MICAL3: variants seen among roughly 807,000 people sequenced by gnomAD.
MICAL3 encodes [F-actin]-monooxygenase MICAL3.
A neutral mutation model predicts 207.4 loss-of-function variants in MICAL3; 62 were observed. That is an observed-to-expected ratio of 0.30 (90% confidence interval 0.24 to 0.37). The LOEUF is 0.37. Ranked by LOEUF, MICAL3 falls within the 10% of genes least tolerant of loss-of-function variation. The pLI is 1.00. For missense variants in MICAL3, 2,368 were observed against 2,635.6 expected (o/e 0.90, Z 2.22); for synonymous variants, 1,077 against 1,069.3 (o/e 1.01, Z -0.14).
In MICAL3 at chr22:17,795,038, T is replaced by C. The variant is rs112461744; in HGVS notation, c.5651-3737A>G. Among the ~76,000 whole-genome samples the C allele has an allele frequency of 3.3e-3, 505 of 152,332 alleles. 1 individual carries two copies. The highest frequency in any genetic ancestry group is 0.011 in the African/African-American group (473 of 41,576). On this transcript the variant is annotated intron_variant, in intron 29 of 31. Coordinates refer to ENST00000441493, the MANE Select transcript of MICAL3 (RefSeq NM_015241.3). ...GAGGCCGCTCAGCGGTGCAGCTGCA[T>C]GAATACAGGTGTTTTCTGTCTTTGA... is the stretch of plus-strand genomic sequence containing the variant.
At chr22:17,853,940 G>C (rs1310985684) in intron 19 of MICAL3, among the ~76,000 whole-genome samples, 2 of 152,218 alleles carry the variant, frequency 1.3e-5, no homozygotes, top group Non-Finnish European at 2.9e-5. Flanking sequence ...ACAGCCACTA[G>C]GAAGTGTGTT....
intron 1 of MICAL3, among the ~76,000 whole-genome samples, chr22:18,007,592 A>G (rs928219733): frequency 2.0e-5 from 3 of 152,030 alleles, no homozygotes; most frequent in Non-Finnish European, 4.4e-5. Flanking sequence ...CACTATGCTC[A>G]GTTTTGTTTT....
chr22:17,807,221 A>G (rs2061997708), intron 29 of MICAL3, among the ~76,000 whole-genome samples: 1 of 152,282 alleles, frequency 6.6e-6, no homozygotes. Context: ...AAGAAGAGAA[A>G]TGGCACGAGG....
At chr22:18,002,354 G>A (rs1212391995) in intron 1 of MICAL3, among the ~76,000 whole-genome samples, 1 of 152,156 alleles carries the variant, frequency 6.6e-6, no homozygotes, top group Admixed American at 6.5e-5. Context: ...GCAGAGGGCG[G>A]GCGCGGTGGC....
chr22:17,930,070 T>C (rs1238480096), intron 1 of MICAL3, among the ~76,000 whole-genome samples: 2 of 152,148 alleles, frequency 1.3e-5, no homozygotes, highest in African/African-American at 4.8e-5. Flanking sequence ...TGTGAACAGG[T>C]GTTTAACATA....
chr22:17,916,139 T>C (rs539692933), intron 1 of MICAL3, among the ~76,000 whole-genome samples: 15 of 151,046 alleles, frequency 9.9e-5, no homozygotes, highest in African/African-American at 3.4e-4. Context: ...TCTTCTGCCA[T>C]GGTTCTCAGT....
In MICAL3 at chr22:17,902,703, G is replaced by A. The variant is rs777726289; in HGVS notation, c.517C>T (p.Leu173=). The part of the protein sequence containing the change: ...QLILLKVALI[L]GIEIHVNVEF... ...ACATTGACGTGGATTTCAATGCCTA[G>A]GATCAAGGCTACTTTCAAAAGTATT... The change falls in exon 4 of 32, where the codon CTA becomes TTA. Residue 173 remains leucine, a synonymous_variant. Transcript: ENST00000441493. This position sits in a 1 kb window ranked among gnomAD's most constrained non-coding sequence, Gnocchi z 4.5. The A allele has an allele frequency of 6.2e-6, 10 of 1,606,066 alleles. No individual in the cohort carries two copies. Among genetic ancestry groups the A allele is most frequent in the Admixed American group, 1.7e-5 (1 of 59,084 alleles).
intron 20 of MICAL3, chr22:17,840,445 T>C (rs1436395434): frequency 6.6e-6 from 1 of 152,202 alleles, no homozygotes; most frequent in Non-Finnish European, 1.5e-5. Context: ...AGATGAGGCA[T>C]GTATTGCATT....
At chr22:17,865,900 C>G (rs779856765) in intron 18 of MICAL3, 24 bp downstream of exon 18, 1 of 1,587,706 alleles carries the variant, frequency 6.3e-7, no homozygotes, top group Non-Finnish European at 8.7e-7. Context: ...GCTTCTCCCC[C>G]ACTTACAGGA....
intron 19 of MICAL3, among the ~76,000 whole-genome samples, chr22:17,845,009 C>T (rs945826542): frequency 1.3e-5 from 2 of 152,200 alleles, no homozygotes; most frequent in African/African-American, 4.8e-5. Flanking sequence ...CCATAATGAA[C>T]AGGGGAGGGC....
intron 1 of MICAL3, among the ~76,000 whole-genome samples, chr22:17,927,052 G>C (rs766637506): frequency 6.6e-6 from 1 of 152,034 alleles, no homozygotes; most frequent in Non-Finnish European, 1.5e-5. Flanking sequence ...TTTGTCATCC[G>C]CAACAGAAAC....
In MICAL3 at chr22:17,895,325, G is replaced by A. The variant is rs1327717757; in HGVS notation, c.1408C>T (p.Arg470Trp). Reference protein sequence around the residue: ...FSQYSIDPVTRYPNINVNFLR... With the variant: ...FSQYSIDPVTWYPNINVNFLR... Reference sequence around the variant, plus strand: ...AAGTTGACGTTGATATTGGGATACCGAGTGACAGGGTCGATACTGTACTGG... The same window carrying A: ...AAGTTGACGTTGATATTGGGATACCAAGTGACAGGGTCGATACTGTACTGG... Residue 470 changes from arginine to tryptophan, a missense_variant, in exon 10 of 32, where the codon CGG (arginine) becomes TGG (tryptophan). Arg to Trp is a moderately radical substitution (Grantham distance 101). This residue lies in a region of MICAL3 where 147 missense variants were observed against 137.7 expected (regional missense o/e 1.07). Coordinates refer to ENST00000441493, the MANE Select transcript of MICAL3 (RefSeq NM_015241.3). 6.2e-7 allele frequency: 1 copy of A among 1,613,768 alleles called. No individual in the cohort carries two copies. Among genetic ancestry groups the A allele is most frequent in the Non-Finnish European group, 8.5e-7 (1 of 1,179,798 alleles).
At chr22:17,837,249 C>T (rs1440324376) in intron 20 of MICAL3, among the ~76,000 whole-genome samples, 1 of 152,244 alleles carries the variant, frequency 6.6e-6, no homozygotes, top group Non-Finnish European at 1.5e-5. Flanking sequence ...CAGAAATCCC[C>T]ATTTATTCAT....
chr22:17,842,115 T>G, intron 19 of MICAL3, 98 bp from the exon 20 acceptor site: 1 of 1,189,948 alleles, frequency 8.4e-7, no homozygotes, highest in Non-Finnish European at 1.2e-6. Context: ...CCTGCCAGAA[T>G]GTGGGGCAGG....
chr22:17,999,425 T>G (rs1449293309), intron 1 of MICAL3, among the ~76,000 whole-genome samples: 5 of 152,316 alleles, frequency 3.3e-5, no homozygotes, highest in Middle Eastern at 6.8e-3. Flanking sequence ...GGGGACCTCA[T>G]TACCCTAATT....
intron 27 of MICAL3, among the ~76,000 whole-genome samples, chr22:17,811,804 A>ATACGATCATGG (rs1299884585): frequency 1.3e-5 from 2 of 152,210 alleles, no homozygotes; most frequent in East Asian, 3.9e-4. Context: ...GGGGGCAGTG[A>ATACGATCATGG]TACGATCATG....
At chr22:17,995,968 C>T (rs907925963) in intron 1 of MICAL3, among the ~76,000 whole-genome samples, 1 of 151,208 alleles carries the variant, frequency 6.6e-6, no homozygotes, top group Non-Finnish European at 1.5e-5. Context: ...CTAGACCAGC[C>T]TGGACAATGT....
chr22:17,863,445 G>A, intron 19 of MICAL3: 2 of 985,424 alleles, frequency 2.0e-6, no homozygotes, highest in Non-Finnish European at 2.4e-6. Context: ...CTCTACCAGT[G>A]ATTCTGCCCA....
intron 27 of MICAL3, chr22:17,814,992 G>C (rs1175624977): frequency 1.3e-5 from 2 of 152,164 alleles, no homozygotes; most frequent in African/African-American, 4.8e-5. Flanking sequence ...CCCCTAGCTC[G>C]ACCGTCTCCT....
Sources: allele counts gnomAD v4.1 joint callset (sites outside exome capture counted in the v4.1 genomes callset), GRCh38; gene constraint gnomAD v4.1.1; regional missense constraint gnomAD v4.1.1; non-coding constraint Gnocchi (gnomAD v3.1); transcripts MANE v1.5; gene names NCBI Gene and HGNC (gene_info 2026-07-23, HGNC 2026-07-21).